Variants in VSTM2B observed in about 807,000 individuals in gnomAD.
The protein encoded by VSTM2B is V-set and transmembrane domain-containing protein 2B.
A neutral mutation model predicts 24.0 loss-of-function variants in VSTM2B; 24 were observed. The ratio of observed to expected loss-of-function variants is 1.00; its 90% CI spans 0.72 to 1.40. VSTM2B has a LOEUF of 1.40. VSTM2B is among the 40% of genes most tolerant of loss of function. The probability of loss-of-function intolerance (pLI) is 0.00; values close to 1 mark genes in which losing one functional copy is unlikely to be tolerated. For synonymous variants in VSTM2B, 226 were observed against 194.4 expected, an observed-to-expected ratio of 1.16 and a Z score of -1.35; for missense variants, 399 against 416.4, an observed-to-expected ratio of 0.96 and a Z score of 0.36.
At chr19:29,548,230 AG>A (rs1382042657) in intron 4 of VSTM2B, among the ~76,000 whole-genome samples, 2 of 152,066 alleles carry the variant, frequency 1.3e-5, no homozygotes, top group African/African-American at 4.8e-5. Context: ...ATCATCACCA[AG>A]GGATATGACG....
intron 4 of VSTM2B, among the ~76,000 whole-genome samples, chr19:29,548,914 C>A (rs1416251846): frequency 6.6e-6 from 1 of 152,174 alleles, no homozygotes; most frequent in Non-Finnish European, 1.5e-5. Context: ...GGCCCAACTG[C>A]GCAGGAGGCT....
At chr19:29,538,862 C>A (rs1186990895) in intron 4 of VSTM2B, among the ~76,000 whole-genome samples, 1 of 152,064 alleles carries the variant, frequency 6.6e-6, no homozygotes, top group African/African-American at 2.4e-5. Context: ...GGATCCACTC[C>A]CATGACCCAG....
At chr19:29,538,562 C>T (rs1969948475) in intron 4 of VSTM2B, among the ~76,000 whole-genome samples, 1 of 152,188 alleles carries the variant, frequency 6.6e-6, no homozygotes, top group Non-Finnish European at 1.5e-5. Context: ...TTTTGCATTG[C>T]TATCAGGGAA....
At chr19:29,535,110 C>G (rs11673401) in intron 4 of VSTM2B, among the ~76,000 whole-genome samples, 40,253 of 152,174 alleles carry the variant, frequency 0.26, 5,933 homozygotes, top group East Asian at 0.43. Context: ...ACATGGACTG[C>G]ATTAGCAGAG....
chr19:29,528,796 C>T (rs1043406875), intron 3 of VSTM2B: 7 of 635,386 alleles, frequency 1.1e-5, no homozygotes, highest in Non-Finnish European at 5.9e-6. Flanking sequence ...CTCCTAGCAC[C>T]GGGAGCGCGC....
At chr19:29,528,352 C>T (rs1969638266) in intron 2 of VSTM2B, 81 bp from the exon 3 acceptor site, 1 of 1,536,370 alleles carries the variant, frequency 6.5e-7, no homozygotes, top group Non-Finnish European at 8.8e-7. Flanking sequence ...GAGGAGGGTG[C>T]CCTTGCCTAA....
At chr19:29,557,806 G>A (rs945232605) in intron 4 of VSTM2B, among the ~76,000 whole-genome samples, 26 of 151,760 alleles carry the variant, frequency 1.7e-4, no homozygotes, top group African/African-American at 1.2e-4. Context: ...ATTTCATGAC[G>A]AAAGTGTCAA....
At chr19:29,562,945 G>T (rs1027149103) in intron 4 of VSTM2B, among the ~76,000 whole-genome samples, 3 of 152,130 alleles carry the variant, frequency 2.0e-5, no homozygotes, top group African/African-American at 7.2e-5. Context: ...ATTTCTCAAA[G>T]ACCCCAGCCC....
rs532214238 is a variant in VSTM2B at position 29,535,206 on chromosome 19, G to A, written c.769+4916G>A. On this transcript the variant is annotated intron_variant, in intron 4 of 4. Transcript: ENST00000335523. ...TAATCTGAATGCTGACCCATTTTTC[G>A]TGAACACTTTGTTGCTGGTTGCCAT... Among the ~76,000 whole-genome samples the A allele has an allele frequency of 6.4e-4, 98 of 152,228 alleles. 1 individual carries two copies. In the South Asian group the frequency reaches 9.3e-3, roughly 14 times the overall value.
chr19:29,553,270 G>T (rs2145505288), intron 4 of VSTM2B, among the ~76,000 whole-genome samples: 1 of 152,274 alleles, frequency 6.6e-6, no homozygotes, highest in Non-Finnish European at 1.5e-5. Flanking sequence ...CTGTTCTGTA[G>T]CCTCCACTGA....
chr19:29,563,839 C>G lies in VSTM2B; in HGVS notation c.770-7C>G, dbSNP rs12608461. ...GTTAACCTTGCCTGTTTTCTCATCCCCTGCAGGCACCGGCCGTAGCTACAC... is the reference window on the plus strand; with the variant it reads ...GTTAACCTTGCCTGTTTTCTCATCCGCTGCAGGCACCGGCCGTAGCTACAC... On this transcript the variant is annotated splice_region_variant and splice_polypyrimidine_tract_variant and intron_variant, in intron 4 of 4. Coordinates refer to ENST00000335523, the MANE Select transcript of VSTM2B (RefSeq NM_001146339.2). 24,928 of 1,551,928 alleles carry G rather than the reference C, an allele frequency of 0.016. 471 individuals are homozygous for G. Among genetic ancestry groups the G allele is most frequent in the East Asian group, 0.11 (4,327 of 40,890 alleles).
intron 4 of VSTM2B, 138 bp downstream of exon 4, chr19:29,530,428 C>A (rs576060724): frequency 2.8e-6 from 2 of 718,380 alleles, no homozygotes; most frequent in East Asian, 7.2e-5. Context: ...CTAGTTAGGT[C>A]GGGAGCGCCC....
intron 4 of VSTM2B, among the ~76,000 whole-genome samples, chr19:29,560,969 CTG>C (rs1970510220): frequency 6.6e-6 from 1 of 152,176 alleles, no homozygotes; most frequent in Non-Finnish European, 1.5e-5. Flanking sequence ...CAGATTATTT[CTG>C]TCTCACCTGC....
At chr19:29,528,326 CG>C in intron 2 of VSTM2B, 106 bp from the exon 3 acceptor site, 2 of 1,435,950 alleles carry the variant, frequency 1.4e-6, no homozygotes, top group Non-Finnish European at 1.9e-6. Flanking sequence ...CGGGCGGTTT[CG>C]GTCCTAGCCT....
chr19:29,536,818 C>A (rs1484128032), intron 4 of VSTM2B, among the ~76,000 whole-genome samples: 2 of 152,154 alleles, frequency 1.3e-5, no homozygotes, highest in Non-Finnish European at 2.9e-5. Flanking sequence ...GGTGCATATC[C>A]TTAAAGCTCT....
rs570604608 is a variant in VSTM2B, at chr19:29,530,076, G to A, written c.555G>A (p.Ala185=). Reference sequence around the variant, plus strand: ...CCAGCGCCGCCAACGCCAACAACGCGGGCGCCGCGAGCCGTACCACCTCCG... The same window carrying A: ...CCAGCGCCGCCAACGCCAACAACGCAGGCGCCGCGAGCCGTACCACCTCCG... The part of the protein sequence containing the change: ...GPASAANANN[A]GAASRTTSEP... The change falls in exon 4 of 5, where the codon GCG becomes GCA. Residue 185 remains alanine, a synonymous_variant. Coordinates refer to ENST00000335523, the MANE Select transcript of VSTM2B (RefSeq NM_001146339.2). The A allele has an allele frequency of 2.6e-5, 39 of 1,502,498 alleles. No homozygotes were observed. Among genetic ancestry groups the A allele is most frequent in the Non-Finnish European group, 3.4e-5 (39 of 1,133,946 alleles). 93.1% of individuals were successfully genotyped at this position (1,502,498 alleles called of 1,614,324 possible).
intron 4 of VSTM2B, among the ~76,000 whole-genome samples, chr19:29,539,623 A>G (rs762303067): frequency 1.3e-5 from 2 of 152,180 alleles, no homozygotes; most frequent in Non-Finnish European, 2.9e-5. Context: ...GGCTCAGGAC[A>G]TGTGCTGGTT....
intron 4 of VSTM2B, among the ~76,000 whole-genome samples, chr19:29,549,768 C>T (rs1444924538): frequency 6.6e-6 from 1 of 152,218 alleles, no homozygotes; most frequent in Non-Finnish European, 1.5e-5. Flanking sequence ...ACTCCACAAG[C>T]CCCTGCAAAC....
intron 4 of VSTM2B, among the ~76,000 whole-genome samples, chr19:29,548,506 T>C (rs1279595302): frequency 6.6e-6 from 1 of 152,220 alleles, no homozygotes; most frequent in Non-Finnish European, 1.5e-5. Flanking sequence ...CAATTATTCC[T>C]CGCTGACTGC....
Sources: allele counts gnomAD v4.1 joint callset (sites outside exome capture counted in the v4.1 genomes callset), GRCh38; gene constraint gnomAD v4.1.1; transcripts MANE v1.5; gene names NCBI Gene and HGNC (gene_info 2026-07-23, HGNC 2026-07-21).